Variants in ARFRP1 observed in about 807,000 individuals in gnomAD.
The protein encoded by ARFRP1 is ARF related protein 1.
A neutral mutation model predicts 30.3 loss-of-function variants in ARFRP1; 19 were observed. The observed-to-expected ratio is 0.63, with a 90% CI of 0.44 to 0.92. ARFRP1 has a LOEUF of 0.92. Ranked by LOEUF, ARFRP1 falls within the 40% of genes least tolerant of loss-of-function variation. The pLI, the probability that ARFRP1 is intolerant of heterozygous loss-of-function variation, is 0.00. For synonymous variants in ARFRP1, 133 were observed against 114.2 expected, an observed-to-expected ratio of 1.16 and a Z score of -1.05; for missense variants, 245 against 267.5, an observed-to-expected ratio of 0.92 and a Z score of 0.59.
intron 2 of ARFRP1, 21 bp downstream of exon 2, chr20:63,706,978 C>T (rs1421967717): frequency 5.0e-6 from 8 of 1,612,360 alleles, no homozygotes; most frequent in African/African-American, 2.7e-5. Flanking sequence ...GAAAGGTGCG[C>T]GCAAGGGCGT....
In ARFRP1 at chr20:63,706,735, A is replaced by C; in HGVS notation, c.97T>G (p.Phe33Val). 6.2e-7 allele frequency: 1 copy of C among 1,612,084 alleles called. No homozygotes were observed. The highest frequency in any genetic ancestry group is 2.2e-5 in the East Asian group (1 of 44,868). The change falls in exon 3 of 8, where the codon TTC (phenylalanine) becomes GTC (valine). Residue 33 changes from phenylalanine (F) to valine (V), a missense_variant. Transcript: ENST00000622789. ...AATCGGGTTTTCGACTGCTCCAGGA[A>C]GGTCTGAGGAGAGAGGCAGAGGCGA... Reference protein sequence around the residue: ...LGLDNAGKTTFLEQSKTRFNK... With the variant: ...LGLDNAGKTTVLEQSKTRFNK...
In ARFRP1 at chr20:63,706,453, G is replaced by C; in HGVS notation, c.182-14C>G. On this transcript the variant is annotated splice_polypyrimidine_tract_variant and intron_variant, in intron 3 of 7. Coordinates refer to ENST00000622789, the MANE Select transcript of ARFRP1 (RefSeq NM_001267547.3). The stretch of plus-strand genomic sequence containing the variant: ...CCACAGTGCCGACTGGGGAGAGGAG[G>C]AAACAGGCAAGGCTCATGACCTTGG... 1 of 1,612,592 alleles carries C rather than the reference G, an allele frequency of 6.2e-7. No individual in the cohort carries two copies. The highest frequency in any genetic ancestry group is 1.1e-5 in the South Asian group (1 of 91,050).
In ARFRP1 at chr20:63,700,230, T is replaced by C. The variant is rs1174547075; in HGVS notation, c.*213A>G. On this transcript the variant is annotated 3_prime_UTR_variant, in exon 8 of 8. Transcript: ENST00000622789. The stretch of plus-strand genomic sequence containing the variant: ...GTGGAAAGGCTGCCGCTGCAGGGCC[T>C]GGGCCAGCCGGGCTGCCAGACTCCC... 2 of 687,610 alleles carry C rather than the reference T, an allele frequency of 2.9e-6. No individual in the cohort carries two copies. The highest frequency in any genetic ancestry group is 4.7e-6 in the Non-Finnish European group (2 of 422,414). 42.6% of individuals were successfully genotyped at this position (687,610 alleles called of 1,614,324 possible). A position where few individuals can be genotyped will look rare whatever the true frequency, so the allele number is the denominator to read the frequency against.
rs2091124530 is a variant in ARFRP1, at chr20:63,700,142, A to G, written c.*301T>C. 4.7e-6 allele frequency: 2 copies of G among 421,680 alleles called. No individual in the cohort carries two copies. Among genetic ancestry groups the G allele is most frequent in the Non-Finnish European group, 4.5e-6 (1 of 224,096 alleles). The allele number at this position is 421,680 out of a possible 1,614,324, so 26.1% of individuals were successfully genotyped here. On this transcript the variant is annotated 3_prime_UTR_variant, in exon 8 of 8. Coordinates refer to ENST00000622789, the MANE Select transcript of ARFRP1 (RefSeq NM_001267547.3). The stretch of plus-strand genomic sequence containing the variant: ...AGCCAGCCTGAGCACTGGAGCCCCA[A>G]TTCCCAACCAGGTCTCCCTCAGACC...
chr20:63,706,549 T>C, intron 3 of ARFRP1, 102 bp downstream of exon 3: 1 of 1,521,036 alleles, frequency 6.6e-7, no homozygotes, highest in South Asian at 1.1e-5. Context: ...CAAATGAGAC[T>C]TGAGAGGGGC....
In ARFRP1 at chr20:63,701,833, C is replaced by T. The variant is rs2091219092; in HGVS notation, c.414G>A (p.Val138=). The T allele has an allele frequency of 6.5e-7, 1 of 1,550,256 alleles. No homozygotes were observed. Among genetic ancestry groups the T allele is most frequent in the African/African-American group, 1.4e-5 (1 of 73,126 alleles). Residue 138 remains valine (V), a synonymous_variant, in exon 6 of 8, where the codon GTG becomes GTA. Coordinates refer to ENST00000622789, the MANE Select transcript of ARFRP1 (RefSeq NM_001267547.3). ...PVLVLANKQD[V]ETCLSIPDIK... is the part of the protein sequence containing the mutation. ...GGGAGGCAGGGGTGGGGCTCACCTC[C>T]ACATCCTGCTTGTTGGCCAGCACCA...
Position 63,700,541 on chromosome 20 carries a change from A to G in ARFRP1, c.519-11T>C. ...TCGCGCACCCCTTTGCTGTGAAGAC[A>G]GCGGGTGTGAGGCGGGGGGTCTCGG... On this transcript the variant is annotated splice_polypyrimidine_tract_variant and intron_variant, in intron 7 of 7. Transcript: ENST00000622789. 2.5e-6 allele frequency: 4 copies of G among 1,610,872 alleles called. No homozygotes were observed. The highest frequency in any genetic ancestry group is 2.5e-6 in the Non-Finnish European group (3 of 1,179,868).
Position 63,700,372 on chromosome 20 carries a change from C to T in ARFRP1, c.*71G>A. ...GCAAACCCACCCCCCAGATCAGCAG[C>T]ATGGGAGCCAACAGGAGGCCACTCC... On this transcript the variant is annotated 3_prime_UTR_variant, in exon 8 of 8. Transcript: ENST00000622789. The T allele has an allele frequency of 6.3e-7, 1 of 1,590,780 alleles. No individual in the cohort carries two copies. The highest frequency in any genetic ancestry group is 8.5e-7 in the Non-Finnish European group (1 of 1,173,182).
chr20:63,705,874 A>AGGCT, intron 4 of ARFRP1: 1 of 430,216 alleles, frequency 2.3e-6, no homozygotes, highest in East Asian at 5.9e-5. Flanking sequence ...CAGGGTTTGA[A>AGGCT]CATTCCCAGA....
chr20:63,702,164 C>G lies in ARFRP1; in HGVS notation c.318G>C (p.Glu106Asp). 1 of 1,612,156 alleles carries G rather than the reference C, an allele frequency of 6.2e-7. No homozygotes were observed. Among genetic ancestry groups the G allele is most frequent in the East Asian group, 2.2e-5 (1 of 44,878 alleles). Residue 106 changes from glutamate to aspartate, a missense_variant, in exon 5 of 8, where the codon GAG (glutamate) becomes GAC (aspartate). Coordinates refer to ENST00000622789, the MANE Select transcript of ARFRP1 (RefSeq NM_001267547.3). ...ACGCCTGCTTGGACTCAGCCAGCCT[C>G]TCCTCGTCGGTGGAGTCAATGACGT... Reference protein sequence around the residue: ...VIYVIDSTDEERLAESKQAFE... With the variant: ...VIYVIDSTDEDRLAESKQAFE...
chr20:63,701,753 G>A, intron 6 of ARFRP1, 77 bp downstream of exon 6: 2 of 1,388,404 alleles, frequency 1.4e-6, no homozygotes, highest in Non-Finnish European at 2.0e-6. Flanking sequence ...GGGTGTCTGG[G>A]TGCACACCTG....
At position 63,700,234 on chromosome 20, in the gene ARFRP1, C is replaced by G. The variant is rs1479763847; in HGVS notation, c.*209G>C. On this transcript the variant is annotated 3_prime_UTR_variant, in exon 8 of 8. Coordinates refer to ENST00000622789, the MANE Select transcript of ARFRP1 (RefSeq NM_001267547.3). Reference sequence around the variant, plus strand: ...AAAGGCTGCCGCTGCAGGGCCTGGGCCAGCCGGGCTGCCAGACTCCCCTCC... The same window carrying G: ...AAAGGCTGCCGCTGCAGGGCCTGGGGCAGCCGGGCTGCCAGACTCCCCTCC... 3.0e-5 allele frequency: 21 copies of G among 706,942 alleles called. No homozygotes were observed. Among genetic ancestry groups the G allele is most frequent in the Non-Finnish European group, 4.3e-5 (19 of 439,704 alleles). The allele number at this position is 706,942 out of a possible 1,614,324, so 43.8% of individuals were successfully genotyped here.
rs758815273 is a variant in ARFRP1, at chr20:63,706,750, G to A, written c.94-12C>T. The A allele has an allele frequency of 9.4e-6, 15 of 1,596,974 alleles. No homozygotes were observed. The highest frequency in any genetic ancestry group is 1.3e-5 in the Non-Finnish European group (15 of 1,164,448). On this transcript the variant is annotated splice_polypyrimidine_tract_variant and intron_variant, in intron 2 of 7. Coordinates refer to ENST00000622789, the MANE Select transcript of ARFRP1 (RefSeq NM_001267547.3). ...TGCTCCAGGAAGGTCTGAGGAGAGA[G>A]GCAGAGGCGAAACACATCAAGGAGG...
At chr20:63,701,980 G>C in intron 5 of ARFRP1, 80 bp from the exon 6 acceptor site, 1 of 1,298,754 alleles carries the variant, frequency 7.7e-7, no homozygotes, top group Non-Finnish European at 1.1e-6. Context: ...CGTGGACACT[G>C]TGACAGCCAC....
intron 4 of ARFRP1, chr20:63,705,726 C>T (rs747764398): frequency 9.4e-6 from 5 of 533,164 alleles, no homozygotes; most frequent in South Asian, 2.8e-5. Flanking sequence ...GTCTCTGAGC[C>T]GAAAGGAGGC....
chr20:63,700,339 A>C lies in ARFRP1; in HGVS notation c.*104T>G. On this transcript the variant is annotated 3_prime_UTR_variant, in exon 8 of 8. Coordinates refer to ENST00000622789, the MANE Select transcript of ARFRP1 (RefSeq NM_001267547.3). Reference sequence around the variant, plus strand: ...AAAACAAAGTAAATAGAAGAACCCCAAAGCAAAGCAAACCCACCCCCCAGA... The same window carrying C: ...AAAACAAAGTAAATAGAAGAACCCCCAAGCAAAGCAAACCCACCCCCCAGA... 3.3e-6 allele frequency: 5 copies of C among 1,512,186 alleles called. No individual in the cohort carries two copies. The highest frequency in any genetic ancestry group is 4.5e-6 in the Non-Finnish European group (5 of 1,116,252). 93.7% of individuals were successfully genotyped at this position (1,512,186 alleles called of 1,614,324 possible). A position where few individuals can be genotyped will look rare whatever the true frequency, so the allele number is the denominator to read the frequency against.
At position 63,698,724 on chromosome 20, in the gene ARFRP1, A is replaced by G; in HGVS notation, c.*1719T>C. 1 of 878,540 alleles carries G rather than the reference A, an allele frequency of 1.1e-6. No individual in the cohort carries two copies. The highest frequency in any genetic ancestry group is 1.6e-6 in the Non-Finnish European group (1 of 629,986). 54.4% of individuals were successfully genotyped at this position (878,540 alleles called of 1,614,324 possible). A position where few individuals can be genotyped will look rare whatever the true frequency, so the allele number is the denominator to read the frequency against. ...ACAGCTACTGGGAGGGCAGCCGGGG[A>G]CACCTGAGCCGCCCGCTGTGCCCAG... is the stretch of plus-strand genomic sequence containing the variant. On this transcript the variant is annotated 3_prime_UTR_variant, in exon 8 of 8. Coordinates refer to ENST00000622789, the MANE Select transcript of ARFRP1 (RefSeq NM_001267547.3).
intron 4 of ARFRP1, chr20:63,702,466 G>C (rs1209035483): frequency 7.4e-6 from 4 of 537,664 alleles, no homozygotes; most frequent in African/African-American, 1.9e-5. Flanking sequence ...GAAAGACAGG[G>C]ATTGGGCCAG....
chr20:63,700,253 CCCCT>C lies in ARFRP1; in HGVS notation c.*186_*189del, dbSNP rs1399594020. The C allele has an allele frequency of 1.2e-6, 1 of 847,030 alleles. No homozygotes were observed. The allele number at this position is 847,030 out of a possible 1,614,324, so 52.5% of individuals were successfully genotyped here. A position where few individuals can be genotyped will look rare whatever the true frequency, so the allele number is the denominator to read the frequency against. ...CCTGGGCCAGCCGGGCTGCCAGACT[CCCCT>C]CCAAAGCCTCCGGATGCCTACGCTT... On this transcript the variant is annotated 3_prime_UTR_variant, in exon 8 of 8. Transcript: ENST00000622789.
Sources: allele counts gnomAD v4.1 joint callset, GRCh38; gene constraint gnomAD v4.1.1; transcripts MANE v1.5; gene names NCBI Gene and HGNC (gene_info 2026-07-23, HGNC 2026-07-21).